CAMTA1: variants seen among roughly 807,000 people sequenced by gnomAD.
CAMTA1 encodes calmodulin-binding transcription activator 1.
A neutral mutation model predicts 170.9 loss-of-function variants in CAMTA1; 27 were observed. The observed-to-expected ratio is 0.16, with a 90% CI of 0.12 to 0.22. CAMTA1 has a LOEUF of 0.22. CAMTA1 is among the 10% of genes least tolerant of loss of function. The pLI is 1.00. For synonymous variants in CAMTA1, 833 were observed against 891.5 expected, an observed-to-expected ratio of 0.93 and a Z score of 1.17; for missense variants, 1,619 against 2,217.2, an observed-to-expected ratio of 0.73 and a Z score of 5.42.
At chr1:6,814,664 T>A (rs1406666561) in intron 1 of CAMTA1, among the ~76,000 whole-genome samples, 1 of 152,202 alleles carries the variant, frequency 6.6e-6, no homozygotes, top group Admixed American at 6.5e-5. Context: ...CCTAGGATGC[T>A]AAGCAAAACT....
At chr1:7,279,822 A>G (rs1671255710) in intron 5 of CAMTA1, among the ~76,000 whole-genome samples, 1 of 152,116 alleles carries the variant, frequency 6.6e-6, no homozygotes, top group Admixed American at 6.5e-5. Flanking sequence ...GAATGAGAAG[A>G]AGCCTGAGCT....
At chr1:6,807,017 T>A in intron 1 of CAMTA1, 1 of 670,086 alleles carries the variant, frequency 1.5e-6, no homozygotes, top group Non-Finnish European at 2.7e-6. Context: ...TCTGTCCTTA[T>A]GGAGCTAAGG....
At chr1:7,540,654 C>A (rs1471248485) in intron 6 of CAMTA1, among the ~76,000 whole-genome samples, 1 of 152,148 alleles carries the variant, frequency 6.6e-6, no homozygotes, top group African/African-American at 2.4e-5. Context: ...CTCAGGGACA[C>A]CAACCTGGAC....
At chr1:6,833,349 CAAAA>C (rs1162623098) in intron 3 of CAMTA1, among the ~76,000 whole-genome samples, 1 of 152,004 alleles carries the variant, frequency 6.6e-6, no homozygotes, top group Non-Finnish European at 1.5e-5. Context: ...CGTAAAAACA[CAAAA>C]AACTCAGTAT....
At chr1:7,265,491 T>C (rs1668784169) in intron 5 of CAMTA1, among the ~76,000 whole-genome samples, 1 of 152,066 alleles carries the variant, frequency 6.6e-6, no homozygotes, top group South Asian at 2.1e-4. Context: ...TTTTTGTATT[T>C]TTAGTAAAGA....
At chr1:7,583,207 A>C (rs916219504) in intron 6 of CAMTA1, among the ~76,000 whole-genome samples, 5 of 152,090 alleles carry the variant, frequency 3.3e-5, no homozygotes, top group African/African-American at 1.2e-4. Context: ...GAGAAGACTC[A>C]GTTCCACATT....
At position 7,665,132 on chromosome 1, in the gene CAMTA1, G is replaced by A; in HGVS notation, c.2585G>A (p.Gly862Asp). 1.3e-6 allele frequency: 2 copies of A among 1,516,722 alleles called. No individual in the cohort carries two copies. Among genetic ancestry groups the A allele is most frequent in the Non-Finnish European group, 8.8e-7 (1 of 1,136,326 alleles). 94.0% of individuals were successfully genotyped at this position (1,516,722 alleles called of 1,614,324 possible). A position where few individuals can be genotyped will look rare whatever the true frequency, so the allele number is the denominator to read the frequency against. ...VSAASAQGTLGMLQQSGRVFM... is the reference protein window; with the variant it reads ...VSAASAQGTLDMLQQSGRVFM... Reference sequence around the variant, plus strand: ...GCCGCCTCGGCCCAGGGCACCCTAGGCATGCTGCAGCAGAGCGGACGGGTG... The same window carrying A: ...GCCGCCTCGGCCCAGGGCACCCTAGACATGCTGCAGCAGAGCGGACGGGTG... Residue 862 changes from glycine (G) to aspartate (D), a missense_variant, in exon 9 of 23, where the codon GGC (glycine) becomes GAC (aspartate). By Grantham distance (94) the Gly-to-Asp change is moderately conservative. Coordinates refer to ENST00000303635, the MANE Select transcript of CAMTA1 (RefSeq NM_015215.4). The surrounding 1 kb of genome is among the most constrained non-coding windows in gnomAD (Gnocchi z 4.3).
At chr1:7,519,864 G>A (rs1237446048) in intron 6 of CAMTA1, among the ~76,000 whole-genome samples, 1 of 151,500 alleles carries the variant, frequency 6.6e-6, no homozygotes, top group South Asian at 2.1e-4. Flanking sequence ...CCCTCTATCT[G>A]CACAGCCACC....
intron 4 of CAMTA1, among the ~76,000 whole-genome samples, chr1:7,232,016 CG>C (rs1662924401): frequency 6.6e-6 from 1 of 152,204 alleles, no homozygotes. Flanking sequence ...CATGCGATGC[CG>C]GGGAGGACTT....
intron 3 of CAMTA1, among the ~76,000 whole-genome samples, chr1:6,936,780 C>T (rs551135889): frequency 5.3e-5 from 8 of 152,104 alleles, no homozygotes; most frequent in Admixed American, 1.3e-4. Context: ...CGAGGTCAGC[C>T]GATTGAGACC....
intron 3 of CAMTA1, among the ~76,000 whole-genome samples, chr1:6,928,191 G>C (rs372646097): frequency 6.6e-6 from 1 of 152,302 alleles, no homozygotes; most frequent in African/African-American, 2.4e-5. Context: ...TCTTAACAGA[G>C]CGCTTTCAAG....
intron 4 of CAMTA1, among the ~76,000 whole-genome samples, chr1:7,126,726 C>T (rs963852604): frequency 2.0e-5 from 3 of 152,188 alleles, no homozygotes; most frequent in Admixed American, 2.0e-4. Context: ...GAACCTCATG[C>T]ATCTGTCTGC....
intron 6 of CAMTA1, among the ~76,000 whole-genome samples, chr1:7,584,361 C>A (rs1345119006): frequency 6.6e-6 from 1 of 151,948 alleles, no homozygotes. Flanking sequence ...TGAACTGTCT[C>A]GCTCGGATTA....
intron 3 of CAMTA1, among the ~76,000 whole-genome samples, chr1:6,997,660 CTTTTTTTTT>C (rs111887834): frequency 1.6e-5 from 2 of 127,636 alleles, no homozygotes; most frequent in Non-Finnish European, 3.3e-5. Flanking sequence ...TCTTTTCTTT[CTTTTTTTTT>C]TTTTTTTTGA....
intron 5 of CAMTA1, among the ~76,000 whole-genome samples, chr1:7,272,053 A>G (rs1669886892): frequency 6.6e-6 from 1 of 152,166 alleles, no homozygotes; most frequent in Admixed American, 6.5e-5. Context: ...TATTCCAGAA[A>G]ATAGAAGAGG....
chr1:7,225,535 G>T (rs1661547944), intron 4 of CAMTA1, among the ~76,000 whole-genome samples: 1 of 152,176 alleles, frequency 6.6e-6, no homozygotes, highest in Admixed American at 6.5e-5. Context: ...CTGGGGTTGT[G>T]GGTGGGGTGT....
At chr1:6,802,779 G>GGCTGGA (rs1644030556) in intron 1 of CAMTA1, among the ~76,000 whole-genome samples, 2 of 151,680 alleles carry the variant, frequency 1.3e-5, no homozygotes, top group Non-Finnish European at 2.9e-5. Flanking sequence ...CTGTCGCCCA[G>GGCTGGA]GCTGGAGTGC....
chr1:7,638,360 G>A (rs1398284315), intron 6 of CAMTA1, among the ~76,000 whole-genome samples: 2 of 152,164 alleles, frequency 1.3e-5, no homozygotes, highest in East Asian at 3.9e-4. Flanking sequence ...AATGGTTCAG[G>A]CCAGGCGCAG....
At chr1:7,758,791 C>T (rs533881404) in intron 22 of CAMTA1, among the ~76,000 whole-genome samples, 7 of 151,812 alleles carry the variant, frequency 4.6e-5, no homozygotes, top group African/African-American at 1.7e-4. Context: ...AAAAATTAGC[C>T]GGTTGCGGTG....
Sources: allele counts gnomAD v4.1 joint callset (sites outside exome capture counted in the v4.1 genomes callset), GRCh38; gene constraint gnomAD v4.1.1; non-coding constraint Gnocchi (gnomAD v3.1); transcripts MANE v1.5; gene names NCBI Gene and HGNC (gene_info 2026-07-23, HGNC 2026-07-21).